Variants in AGAP1 observed in about 807,000 individuals in gnomAD.
AGAP1 encodes arf-GAP with GTPase, ANK repeat and PH domain-containing protein 1.
In AGAP1, 29 loss-of-function variants were observed where a neutral mutation model predicts 105.3. That is an observed-to-expected ratio of 0.28 (90% CI 0.21 to 0.38). The LOEUF (loss-of-function observed/expected upper bound fraction) is 0.38. Ranked by LOEUF, AGAP1 falls within the 10% of genes least tolerant of loss-of-function variation. The pLI is 1.00. For missense variants in AGAP1, 998 were observed against 1,165.1 expected (o/e 0.86, Z 2.09); for synonymous variants, 509 against 485.9 (o/e 1.05, Z -0.63).
chr2:235,662,492 C>G lies in AGAP1; in HGVS notation c.164-46687C>G, dbSNP rs142404725. Among the ~76,000 whole-genome samples, 13 of 149,778 alleles carry G rather than the reference C, an allele frequency of 8.7e-5. No individual in the cohort carries two copies. Among genetic ancestry groups the G allele is most frequent in the African/African-American group, 2.9e-4 (12 of 40,708 alleles). On this transcript the variant is annotated intron_variant, in intron 1 of 17. Coordinates refer to ENST00000304032, the MANE Select transcript of AGAP1 (RefSeq NM_001037131.3). The surrounding 1 kb of genome is among the most constrained non-coding windows in gnomAD (Gnocchi z 4.2). ...TTAGTTTATCATTCCCCTACTTGGT[C>G]TGTCTGCCTTCATGGAAGTTGGTGA... is the stretch of plus-strand genomic sequence containing the variant.
At position 235,507,767 on chromosome 2, in the gene AGAP1, G is replaced by T. The variant is rs557455937; in HGVS notation, c.163+12918G>T. Among the ~76,000 whole-genome samples, 3 of 152,166 alleles carry T rather than the reference G, an allele frequency of 2.0e-5. No individual in the cohort carries two copies. The South Asian group carries it at 6.2e-4, about 32-fold the overall frequency. On this transcript the variant is annotated intron_variant, in intron 1 of 17. Coordinates refer to ENST00000304032, the MANE Select transcript of AGAP1 (RefSeq NM_001037131.3). ...GTGGCAGAGTCAGGATTCGAACTCG[G>T]GACCCGTGGACACCAGCCACCTATG...
intron 16 of AGAP1, among the ~76,000 whole-genome samples, chr2:236,098,692 A>G (rs1233760297): frequency 7.0e-6 from 1 of 143,824 alleles, no homozygotes; most frequent in Non-Finnish European, 1.5e-5. Flanking sequence ...TGCCACAAAC[A>G]TAGGTCACTG....
At chr2:235,702,934 G>GTGTTTTTTTT (rs1553609552) in intron 1 of AGAP1, among the ~76,000 whole-genome samples, 4 of 88,958 alleles carry the variant, frequency 4.5e-5, no homozygotes, top group South Asian at 6.7e-4. Context: ...AGTTTTCTTG[G>GTGTTTTTTTT]TTTTTTTTTT....
In AGAP1 at chr2:235,728,647, A is replaced by G. The variant is rs1260810081; in HGVS notation, c.310+11003A>G. On this transcript the variant is annotated intron_variant, in intron 3 of 17. Transcript: ENST00000304032. The surrounding 1 kb of genome is among the most constrained non-coding windows in gnomAD (Gnocchi z 4.3). ...TTGTATGAGGGCAGCCCATGTCGCC[A>G]GCATTTATTTTCTGAGCCCCATTTC... 1.3e-5 allele frequency among the ~76,000 whole-genome samples: 2 copies of G among 152,138 alleles called. No homozygotes were observed. Among genetic ancestry groups the G allele is most frequent in the Non-Finnish European group, 2.9e-5 (2 of 68,026 alleles).
intron 13 of AGAP1, among the ~76,000 whole-genome samples, chr2:235,998,909 G>A (rs2055940896): frequency 6.6e-6 from 1 of 151,636 alleles, no homozygotes; most frequent in African/African-American, 2.4e-5. Context: ...TGACGGCAAT[G>A]ACGATGATAG....
chr2:235,922,307 C>T (rs1432217861), intron 11 of AGAP1, among the ~76,000 whole-genome samples: 3 of 152,166 alleles, frequency 2.0e-5, no homozygotes, highest in Non-Finnish European at 4.4e-5. Context: ...TACAATTCTG[C>T]AGTGGGAATA....
At chr2:236,008,075 G>T (rs552034283) in intron 13 of AGAP1, among the ~76,000 whole-genome samples, 21 of 152,216 alleles carry the variant, frequency 1.4e-4, no homozygotes, top group Non-Finnish European at 4.4e-5. Context: ...AATTTGGATT[G>T]CCAAGTATTC....
intron 16 of AGAP1, among the ~76,000 whole-genome samples, chr2:236,085,775 A>G (rs1044646086): frequency 9.9e-5 from 15 of 152,230 alleles, no homozygotes; most frequent in Admixed American, 3.3e-4. Context: ...CAGGCCAAGG[A>G]GCTGCCTGGC....
intron 16 of AGAP1, among the ~76,000 whole-genome samples, chr2:236,064,528 G>A (rs1025116507): frequency 3.9e-5 from 6 of 152,302 alleles, no homozygotes; most frequent in African/African-American, 1.2e-4. Context: ...CTCGGGAGGC[G>A]GAGGTTGCAG....
In AGAP1 at chr2:235,973,569, G is replaced by T. The variant is rs562998581; in HGVS notation, c.1645+4946G>T. Among the ~76,000 whole-genome samples the T allele has an allele frequency of 6.6e-6, 1 of 152,216 alleles. No individual in the cohort carries two copies. The highest frequency in any genetic ancestry group is 1.5e-5 in the Non-Finnish European group (1 of 68,038). On this transcript the variant is annotated intron_variant, in intron 13 of 17. Coordinates refer to ENST00000304032, the MANE Select transcript of AGAP1 (RefSeq NM_001037131.3). This position sits in a 1 kb window ranked among gnomAD's most constrained non-coding sequence, Gnocchi z 4.7. ...CGTGCAGTGACCAGAGAGAAGGGTG[G>T]TGATGAGGATGAGGGCCATGAGGCA... is the stretch of plus-strand genomic sequence containing the variant.
At chr2:235,693,172 G>A (rs377417339) in intron 1 of AGAP1, among the ~76,000 whole-genome samples, 4 of 152,286 alleles carry the variant, frequency 2.6e-5, no homozygotes, top group Non-Finnish European at 5.9e-5. Flanking sequence ...TTGAGCTCCC[G>A]CCTGAGGGTT....
rs1017623982 is a variant in AGAP1, at chr2:235,623,341, G to A, written c.164-85838G>A. Among the ~76,000 whole-genome samples the A allele has an allele frequency of 1.3e-5, 2 of 152,188 alleles. No individual in the cohort carries two copies. Among genetic ancestry groups the A allele is most frequent in the Admixed American group, 6.5e-5 (1 of 15,284 alleles). On this transcript the variant is annotated intron_variant, in intron 1 of 17. Coordinates refer to ENST00000304032, the MANE Select transcript of AGAP1 (RefSeq NM_001037131.3). This position sits in a 1 kb window ranked among gnomAD's most constrained non-coding sequence, Gnocchi z 4.5. Reference sequence around the variant, plus strand: ...TACAAATCAAGATTTGCTTTGCCTCGTTGTGTAAATATCGGCAAACCATGT... The same window carrying A: ...TACAAATCAAGATTTGCTTTGCCTCATTGTGTAAATATCGGCAAACCATGT...
In AGAP1 at chr2:235,842,618, C is replaced by T. The variant is rs575452944; in HGVS notation, c.1050+35287C>T. Among the ~76,000 whole-genome samples the T allele has an allele frequency of 3.3e-5, 5 of 152,262 alleles. No homozygotes were observed. The highest frequency in any genetic ancestry group is 1.9e-4 in the East Asian group (1 of 5,186). The stretch of plus-strand genomic sequence containing the variant: ...TACTTTGAGAAGGGATCCTTTGGGA[C>T]GTGCCAAAAAAGACCCACCTGTAGC... On this transcript the variant is annotated intron_variant, in intron 9 of 17. Transcript: ENST00000304032. This position sits in a 1 kb window ranked among gnomAD's most constrained non-coding sequence, Gnocchi z 5.3.
intron 1 of AGAP1, among the ~76,000 whole-genome samples, chr2:235,697,591 A>C (rs1950056398): frequency 6.6e-6 from 1 of 152,194 alleles, no homozygotes; most frequent in East Asian, 1.9e-4. Context: ...CCCTCCCCCA[A>C]CCAATTTCTT....
intron 12 of AGAP1, among the ~76,000 whole-genome samples, chr2:235,943,072 A>G (rs2053335315): frequency 1.3e-5 from 2 of 152,212 alleles, no homozygotes; most frequent in South Asian, 2.1e-4. Context: ...TGTGTTCTCA[A>G]CATTAGAACG....
At chr2:235,939,968 T>C (rs887933003) in intron 12 of AGAP1, among the ~76,000 whole-genome samples, 6 of 152,064 alleles carry the variant, frequency 3.9e-5, no homozygotes, top group African/African-American at 1.2e-4. Flanking sequence ...TCTCTCCTCA[T>C]TGAACGCAGG....
chr2:235,832,681 T>A (rs898251731), intron 9 of AGAP1, among the ~76,000 whole-genome samples: 3 of 152,232 alleles, frequency 2.0e-5, no homozygotes, highest in Non-Finnish European at 4.4e-5. Flanking sequence ...ACATCTGTAA[T>A]TAACAGCTAG....
At position 236,080,397 on chromosome 2, in the gene AGAP1, G is replaced by T. The variant is rs1018013220; in HGVS notation, c.2114+31116G>T. Among the ~76,000 whole-genome samples, 1 of 152,182 alleles carries T rather than the reference G, an allele frequency of 6.6e-6. No individual in the cohort carries two copies. Among genetic ancestry groups the T allele is most frequent in the Non-Finnish European group, 1.5e-5 (1 of 68,038 alleles). ...GGAGGGACAGCTAGGAGGAAATAAG[G>T]ACGTCAGTTTGCAACCAGACAAGTT... On this transcript the variant is annotated intron_variant, in intron 16 of 17. Transcript: ENST00000304032. This position sits in a 1 kb window ranked among gnomAD's most constrained non-coding sequence, Gnocchi z 4.2.
At chr2:235,969,194 A>C (rs963828765) in intron 13 of AGAP1, among the ~76,000 whole-genome samples, 1 of 151,496 alleles carries the variant, frequency 6.6e-6, no homozygotes, top group African/African-American at 2.4e-5. Flanking sequence ...GTGCTTCCTT[A>C]GTTTTTATTG....
Sources: gnomAD v4.1 joint callset for allele counts (sites outside exome capture counted in the v4.1 genomes callset) on GRCh38, gnomAD v4.1.1 for gene constraint, Gnocchi (gnomAD v3.1) non-coding constraint, MANE v1.5 for transcripts, NCBI Gene and HGNC (gene_info 2026-07-23, HGNC 2026-07-21) for gene names.